The following MYO1E variants were observed in gnomAD, a reference collection of about 807,000 sequenced individuals.
The protein encoded by MYO1E is unconventional myosin-Ie.
In MYO1E, 68 loss-of-function variants were observed where a neutral mutation model predicts 151.1. That is an observed-to-expected ratio of 0.45 (90% CI 0.37 to 0.55). The LOEUF is 0.55. Ranked by LOEUF, MYO1E falls within the 20% of genes least tolerant of loss-of-function variation. MYO1E has a pLI of 0.00. For synonymous variants in MYO1E, 601 were observed against 501.7 expected (o/e 1.20, Z -2.64); for missense variants, 1,363 against 1,389.3 (o/e 0.98, Z 0.30).
intron 15 of MYO1E, among the ~76,000 whole-genome samples, chr15:59,203,319 T>A (rs929386304): frequency 6.6e-6 from 1 of 152,170 alleles, no homozygotes; most frequent in Non-Finnish European, 1.5e-5. Context: ...AAACTGCTTT[T>A]GAGTATGAGC....
At chr15:59,218,154 C>T in intron 9 of MYO1E, 67 bp from the exon 10 acceptor site, 2 of 1,571,266 alleles carry the variant, frequency 1.3e-6, no homozygotes, top group South Asian at 1.1e-5. Flanking sequence ...ATCTCACAAA[C>T]ATATGGAGGC....
At chr15:59,181,081 G>A (rs2140321446) in intron 18 of MYO1E, among the ~76,000 whole-genome samples, 1 of 152,124 alleles carries the variant, frequency 6.6e-6, no homozygotes, top group South Asian at 2.1e-4. Context: ...GGATGTTTCT[G>A]ACCTCGGAGG....
At position 59,161,222 on chromosome 15, in the gene MYO1E, A is replaced by G; in HGVS notation, c.2636T>C (p.Leu879Pro). ...GCCCCAGTTTTCCTTTTTCAACTTC[A>G]GTTCAAGCCTGCAAAAAGCACAGTG... ...LPLKFSNTLE[L>P]KLKKENWGPW... The change falls in exon 24 of 28, where the codon CTG becomes CCG. Residue 879 changes from leucine to proline, a missense_variant. By Grantham distance (98) the Leu-to-Pro change is moderately conservative (BLOSUM62 -3). Transcript: ENST00000288235. The G allele has an allele frequency of 5.6e-6, 9 of 1,613,752 alleles. No homozygotes were observed. The highest frequency in any genetic ancestry group is 7.6e-6 in the Non-Finnish European group (9 of 1,179,760).
chr15:59,353,527 C>T (rs1216628034), intron 1 of MYO1E, among the ~76,000 whole-genome samples: 2 of 151,594 alleles, frequency 1.3e-5, no homozygotes, highest in African/African-American at 2.4e-5. Flanking sequence ...GAGGCTGAGG[C>T]GGGTGGATTA....
intron 26 of MYO1E, among the ~76,000 whole-genome samples, chr15:59,142,804 T>G (rs1270686948): frequency 6.6e-6 from 1 of 151,708 alleles, no homozygotes; most frequent in Admixed American, 6.6e-5. Context: ...TTACATCATA[T>G]TTACTGGTGA....
At chr15:59,160,779 T>G (rs1364085832) in intron 24 of MYO1E, among the ~76,000 whole-genome samples, 1 of 152,038 alleles carries the variant, frequency 6.6e-6, no homozygotes, top group Non-Finnish European at 1.5e-5. Context: ...AAGATCTGAC[T>G]GGAAAGGGAG....
chr15:59,151,650 C>T (rs1181036768), intron 26 of MYO1E, among the ~76,000 whole-genome samples: 11 of 152,284 alleles, frequency 7.2e-5, no homozygotes, highest in South Asian at 2.1e-4. Context: ...CAGTGGCTCA[C>T]GCCTGTAATC....
intron 26 of MYO1E, among the ~76,000 whole-genome samples, chr15:59,144,743 G>C (rs2079430663): frequency 1.3e-5 from 2 of 152,160 alleles, no homozygotes; most frequent in Non-Finnish European, 1.5e-5. Flanking sequence ...ACAGTTGGTG[G>C]GAACAGCCAT....
chr15:59,253,461 C>T (rs1566992800), intron 4 of MYO1E, among the ~76,000 whole-genome samples: 3 of 147,776 alleles, frequency 2.0e-5, no homozygotes, highest in Middle Eastern at 3.6e-3. Context: ...TTGCCAAAAA[C>T]GGAATCTGAG....
At chr15:59,269,126 A>G (rs982597763) in intron 2 of MYO1E, among the ~76,000 whole-genome samples, 3 of 152,202 alleles carry the variant, frequency 2.0e-5, no homozygotes, top group African/African-American at 7.2e-5. Flanking sequence ...TCCAATAAAC[A>G]AGTTTACAGT....
chr15:59,248,275 G>A (rs1377522449), intron 4 of MYO1E, among the ~76,000 whole-genome samples: 1 of 151,452 alleles, frequency 6.6e-6, no homozygotes, highest in Non-Finnish European at 1.5e-5. Flanking sequence ...CTTGAGGTCT[G>A]GAGCTCATAA....
At chr15:59,222,742 C>A (rs2079963745) in intron 9 of MYO1E, among the ~76,000 whole-genome samples, 1 of 152,172 alleles carries the variant, frequency 6.6e-6, no homozygotes, top group Non-Finnish European at 1.5e-5. Flanking sequence ...TTACTCTAAT[C>A]CCCATTAAAG....
At chr15:59,315,551 A>T (rs1189658761) in intron 1 of MYO1E, among the ~76,000 whole-genome samples, 1 of 133,910 alleles carries the variant, frequency 7.5e-6, no homozygotes, top group African/African-American at 2.9e-5. Context: ...CTAAAAATTA[A>T]AAAAAAAAAA....
At chr15:59,261,959 T>G (rs2080226714) in intron 2 of MYO1E, among the ~76,000 whole-genome samples, 1 of 152,074 alleles carries the variant, frequency 6.6e-6, no homozygotes, top group Non-Finnish European at 1.5e-5. Flanking sequence ...CCCAGCACTT[T>G]GGGAGGCTGA....
chr15:59,262,752 G>T (rs2080231552), intron 2 of MYO1E, among the ~76,000 whole-genome samples: 1 of 152,084 alleles, frequency 6.6e-6, no homozygotes, highest in Admixed American at 6.6e-5. Context: ...TCTGCTTGGG[G>T]AATACAAGAT....
chr15:59,166,833 G>A (rs995713946), intron 22 of MYO1E, among the ~76,000 whole-genome samples: 10 of 152,096 alleles, frequency 6.6e-5, no homozygotes, highest in African/African-American at 2.2e-4. Flanking sequence ...CACCTGACCC[G>A]CAGATGCAAA....
chr15:59,258,493 G>A (rs867261025), intron 3 of MYO1E, among the ~76,000 whole-genome samples: 1 of 152,252 alleles, frequency 6.6e-6, no homozygotes, highest in South Asian at 2.1e-4. Context: ...AAAACTCAGT[G>A]ACTGGCAGAA....
At chr15:59,273,339 G>A (rs1160125398) in intron 1 of MYO1E, among the ~76,000 whole-genome samples, 1 of 151,458 alleles carries the variant, frequency 6.6e-6, no homozygotes, top group Non-Finnish European at 1.5e-5. Flanking sequence ...TGGCACACTT[G>A]GGGAGCTTAA....
Position 59,209,815 on chromosome 15 carries a change from C to CTTTTTTT in MYO1E, c.1362+692_1362+698dup, listed in dbSNP as rs71119441. Among the ~76,000 whole-genome samples the CTTTTTTT allele has an allele frequency of 3.1e-3, 153 of 49,872 alleles. 11 individuals are homozygous for CTTTTTTT. The highest frequency in any genetic ancestry group is 0.015 in the Middle Eastern group (1 of 68). 32.7% of individuals were successfully genotyped at this position (49,872 alleles called of 152,430 possible). On this transcript the variant is annotated intron_variant, in intron 13 of 27. Coordinates refer to ENST00000288235, the MANE Select transcript of MYO1E (RefSeq NM_004998.4). ...CTGTATCACTTTTATTTTGAATCAC[C>CTTTTTTT]TTTTTTTTTTTTTTTTTTTTTTTTT...
Sources: gnomAD v4.1 joint callset for allele counts (sites outside exome capture counted in the v4.1 genomes callset) on GRCh38, gnomAD v4.1.1 for gene constraint, MANE v1.5 for transcripts, NCBI Gene and HGNC (gene_info 2026-07-23, HGNC 2026-07-21) for gene names.